The following DAAM1 variants were observed in gnomAD, a reference collection of about 807,000 sequenced individuals.
DAAM1 encodes the protein disheveled-associated activator of morphogenesis 1.
Under a neutral mutation model 130.0 loss-of-function variants are expected in DAAM1, and 52 were observed. That is an observed-to-expected ratio of 0.40 (90% CI 0.32 to 0.50). The LOEUF is 0.50. Ranked by LOEUF, DAAM1 falls within the 20% of genes least tolerant of loss-of-function variation. The probability of loss-of-function intolerance (pLI) is 0.61; values close to 1 mark genes in which losing one functional copy is unlikely to be tolerated. For missense variants in DAAM1, 1,134 were observed against 1,303.8 expected, an observed-to-expected ratio of 0.87 and a Z score of 2.01; for synonymous variants, 452 against 444.5, an observed-to-expected ratio of 1.02 and a Z score of -0.21.
chr14:59,282,986 T>C (rs1290527366), intron 2 of DAAM1, among the ~76,000 whole-genome samples: 3 of 152,138 alleles, frequency 2.0e-5, no homozygotes, highest in Non-Finnish European at 2.9e-5. Context: ...AGTTCATATG[T>C]GTTCTTTCAA....
chr14:59,294,597 A>G (rs1327291685), intron 3 of DAAM1, among the ~76,000 whole-genome samples: 1 of 152,084 alleles, frequency 6.6e-6, no homozygotes, highest in African/African-American at 2.4e-5. Context: ...GAAAGGTCCA[A>G]AAAGGGTTCT....
At chr14:59,199,117 A>C (rs896412007) in intron 1 of DAAM1, among the ~76,000 whole-genome samples, 1 of 152,160 alleles carries the variant, frequency 6.6e-6, no homozygotes. Context: ...TGGTGTCCTG[A>C]GATCCTGTTC....
intron 20 of DAAM1, chr14:59,357,282 C>T (rs938768185): frequency 4.6e-5 from 7 of 152,208 alleles, no homozygotes; most frequent in African/African-American, 1.7e-4. Flanking sequence ...TAGGCTCACT[C>T]TTCCTTGTGA....
At chr14:59,195,593 C>G (rs1027929417) in intron 1 of DAAM1, among the ~76,000 whole-genome samples, 2 of 152,098 alleles carry the variant, frequency 1.3e-5, no homozygotes, top group Non-Finnish European at 2.9e-5. Context: ...TGGTCTTTGT[C>G]ATTTTTATGT....
At position 59,236,559 on chromosome 14, in the gene DAAM1, C is replaced by T. The variant is rs894209174; in HGVS notation, c.-37-26882C>T. 2.6e-5 allele frequency among the ~76,000 whole-genome samples: 4 copies of T among 152,174 alleles called. No individual in the cohort carries two copies. In the East Asian group the frequency reaches 7.7e-4, roughly 29 times the overall value. ...AAATATTATTTTCAGTGCCATCTTC[C>T]CAGATGTTATCTTCATGACTTTGCA... On this transcript the variant is annotated intron_variant, in intron 1 of 24. Coordinates refer to ENST00000360909, the MANE Select transcript of DAAM1 (RefSeq NM_001270520.2).
intron 1 of DAAM1, among the ~76,000 whole-genome samples, chr14:59,219,550 G>C (rs183153198): frequency 1.3e-5 from 2 of 152,074 alleles, no homozygotes; most frequent in African/African-American, 2.4e-5. Flanking sequence ...TATAATTGGT[G>C]GTGCTTTTTT....
intron 2 of DAAM1, among the ~76,000 whole-genome samples, chr14:59,267,599 C>G (rs9989147): frequency 1.4e-4 from 21 of 152,194 alleles, no homozygotes; most frequent in African/African-American, 4.8e-4. Context: ...TAGAATTGTG[C>G]AACCATTACC....
At chr14:59,204,966 A>G (rs1031057006) in intron 1 of DAAM1, among the ~76,000 whole-genome samples, 3 of 152,212 alleles carry the variant, frequency 2.0e-5, no homozygotes, top group South Asian at 2.1e-4. Flanking sequence ...TGATCCCCCC[A>G]TCAGATTTAT....
chr14:59,318,417 C>T lies in DAAM1; in HGVS notation c.346-2073C>T, dbSNP rs565597808. Among the ~76,000 whole-genome samples, 5 of 151,060 alleles carry T rather than the reference C, an allele frequency of 3.3e-5. No individual in the cohort carries two copies. In the East Asian group the frequency reaches 9.7e-4, roughly 29 times the overall value. ...AAGGATGCGCTTTGTCCTTTGCCTG[C>T]TTCTCATGTGAGCAGGTATTTAGTA... On this transcript the variant is annotated intron_variant, in intron 4 of 24. Transcript: ENST00000360909.
intron 1 of DAAM1, among the ~76,000 whole-genome samples, chr14:59,257,271 CT>C (rs1182357960): frequency 6.6e-6 from 1 of 151,998 alleles, no homozygotes; most frequent in Non-Finnish European, 1.5e-5. Flanking sequence ...GGAATTTATA[CT>C]TTTGCATTCA....
At chr14:59,291,135 T>C (rs539553322) in intron 2 of DAAM1, 82 bp from the exon 3 acceptor site, 20 of 1,161,836 alleles carry the variant, frequency 1.7e-5, no homozygotes, top group African/African-American at 3.2e-5. Flanking sequence ...TTTGTTTTTT[T>C]TCTTCCTTGA....
At chr14:59,349,659 G>T (rs1373542643) in intron 17 of DAAM1, among the ~76,000 whole-genome samples, 2 of 152,210 alleles carry the variant, frequency 1.3e-5, no homozygotes, top group South Asian at 4.1e-4. Context: ...TGCAGCTGCT[G>T]AGCTCTGATC....
intron 1 of DAAM1, among the ~76,000 whole-genome samples, chr14:59,259,252 A>G (rs181092319): frequency 3.6e-4 from 55 of 152,342 alleles, no homozygotes; most frequent in South Asian, 4.1e-4. Context: ...ATGAGGGAAT[A>G]AAGACCCAGA....
chr14:59,343,684 T>C (rs755250404), intron 16 of DAAM1, among the ~76,000 whole-genome samples: 4 of 152,208 alleles, frequency 2.6e-5, no homozygotes, highest in Non-Finnish European at 4.4e-5. Flanking sequence ...GTGGACCTTT[T>C]GGTCAGGGGC....
chr14:59,289,658 T>G (rs1332913550), intron 2 of DAAM1, among the ~76,000 whole-genome samples: 1 of 151,332 alleles, frequency 6.6e-6, no homozygotes, highest in Non-Finnish European at 1.5e-5. Context: ...TAAATTGTTC[T>G]CCCAAAAAGA....
chr14:59,221,919 G>T (rs184647221), intron 1 of DAAM1, among the ~76,000 whole-genome samples: 2 of 152,322 alleles, frequency 1.3e-5, no homozygotes, highest in East Asian at 3.9e-4. Context: ...TAGGCGTAAT[G>T]GTGAGTGGTG....
At chr14:59,368,221 T>TGTGTATCAGGTTTCAGGC (rs1170331318) in intron 24 of DAAM1, among the ~76,000 whole-genome samples, 20 of 152,284 alleles carry the variant, frequency 1.3e-4, no homozygotes, top group Middle Eastern at 3.4e-3. Context: ...CAGTAACTAT[T>TGTGTATCAGGTTTCAGGC]GTGTATCAGG....
rs562665179 is a variant in DAAM1, at chr14:59,260,724, CA to C, written c.-37-2713del. On this transcript the variant is annotated intron_variant, in intron 1 of 24. Coordinates refer to ENST00000360909, the MANE Select transcript of DAAM1 (RefSeq NM_001270520.2). ...ATTTTCAGAAGTAGAAATACTAGGT[CA>C]AAATGTGTGACCATTTTAAGACTTT... 1.4e-3 allele frequency among the ~76,000 whole-genome samples: 208 copies of C among 152,234 alleles called. 1 individual carries two copies. Among genetic ancestry groups the C allele is most frequent in the African/African-American group, 4.9e-3 (203 of 41,542 alleles).
chr14:59,297,031 T>C (rs1883981811), intron 3 of DAAM1, among the ~76,000 whole-genome samples: 1 of 152,178 alleles, frequency 6.6e-6, no homozygotes, highest in South Asian at 2.1e-4. Context: ...CCAGTGAAAC[T>C]GTATTACTGG....
Sources: allele counts gnomAD v4.1 joint callset (sites outside exome capture counted in the v4.1 genomes callset), GRCh38; gene constraint gnomAD v4.1.1; transcripts MANE v1.5; gene names NCBI Gene and HGNC (gene_info 2026-07-23, HGNC 2026-07-21).